OR3A3: variants seen among roughly 807,000 people sequenced by gnomAD.
OR3A3 encodes the protein olfactory receptor family 3 subfamily A member 3.
For synonymous variants in OR3A3, 103 were observed against 163.9 expected (o/e 0.63, Z 2.84); for missense variants, 275 against 391.4 (o/e 0.70, Z 2.51).
rs368262416 is a variant in OR3A3, at chr17:3,420,578, A to G, written c.-6-2A>G. The G allele has an allele frequency of 5.8e-4, 896 of 1,532,380 alleles. 14 individuals carry two copies. The South Asian group carries it at 0.011, about 19-fold the overall frequency. The allele number at this position is 1,532,380 out of a possible 1,614,324, so 94.9% of individuals were successfully genotyped here. A position where few individuals can be genotyped will look rare whatever the true frequency, so the allele number is the denominator to read the frequency against. ...CTCCCCTGCTGGGACATGTCCTTAC[A>G]GAAACTCATGGAGCCAGAAGCTGGG... On this transcript the variant is annotated splice_acceptor_variant, in intron 2 of 2. Transcript: ENST00000641141. LOFTEE classifies it low-confidence loss of function (5UTR_SPLICE).
chr17:3,420,450 A>C, intron 2 of OR3A3, 130 bp from the exon 3 acceptor site: 1 of 1,460,778 alleles, frequency 6.8e-7, no homozygotes, highest in Non-Finnish European at 9.2e-7. Flanking sequence ...AGCAAGGTAA[A>C]GGCATTGAGG....
At chr17:3,412,766 T>C (rs190467893) in intron 2 of OR3A3, among the ~76,000 whole-genome samples, 329 of 152,238 alleles carry the variant, frequency 2.2e-3, no homozygotes, top group Admixed American at 4.0e-3. Context: ...AAGGGCCGTA[T>C]TGTTTTGGGA....
exon 3 of OR3A3, chr17:3,420,790 C>G (rs752260627): frequency 2.3e-6 from 3 of 1,310,726 alleles, no homozygotes; most frequent in Non-Finnish European, 3.2e-6. Flanking sequence ...CCTGGGGAAC[C>G]TGTCAGTGCT....
chr17:3,415,802 ATTATT>A (rs1567583241), intron 2 of OR3A3, among the ~76,000 whole-genome samples: 66 of 102,536 alleles, frequency 6.4e-4, no homozygotes, highest in South Asian at 1.3e-3. Context: ...TTTTTAAATT[ATTATT>A]ATTATTATTA....
At chr17:3,423,049 G>A (rs1429034842) in exon 3 of OR3A3, 1 of 152,104 alleles carries the variant, frequency 6.6e-6, no homozygotes, top group African/African-American at 2.4e-5. Context: ...TTCCCTTAAG[G>A]GCAAAGTTCT....
chr17:3,412,522 C>T (rs1342470619), intron 2 of OR3A3, among the ~76,000 whole-genome samples: 5 of 148,066 alleles, frequency 3.4e-5, no homozygotes, highest in Non-Finnish European at 7.5e-5. Flanking sequence ...GAGCAGGGAG[C>T]TGTCACAGCT....
At chr17:3,419,835 A>G (rs991885055) in intron 2 of OR3A3, among the ~76,000 whole-genome samples, 31 of 145,474 alleles carry the variant, frequency 2.1e-4, no homozygotes, top group South Asian at 4.3e-4. Flanking sequence ...CTGGGTTCAC[A>G]CCATTCTCCC....
chr17:3,423,289 TA>T (rs2072448448), exon 3 of OR3A3: 1 of 152,326 alleles, frequency 6.6e-6, no homozygotes, highest in Non-Finnish European at 1.5e-5. Context: ...TTGAGAGCAT[TA>T]CCACCACCAT....
exon 3 of OR3A3, chr17:3,421,715 T>A: frequency 1.6e-6 from 1 of 627,026 alleles, no homozygotes; most frequent in Non-Finnish European, 2.5e-6. Context: ...AAATATTTAT[T>A]AAATTACTTC....
At chr17:3,419,089 A>G (rs570354013) in intron 2 of OR3A3, among the ~76,000 whole-genome samples, 33 of 152,330 alleles carry the variant, frequency 2.2e-4, no homozygotes, top group Non-Finnish European at 3.8e-4. Context: ...AGAAAAAATA[A>G]TTTTAAATTA....
rs75818177 is a variant in OR3A3 at position 3,420,213 on chromosome 17, A to G, written c.-6-367A>G. On this transcript the variant is annotated intron_variant, in intron 2 of 2. Transcript: ENST00000641141. ...ATGATTAGTATAGTGAAACAAATTAACATATCCATCATCTCACACAGTTAC... is the reference window on the plus strand; with the variant it reads ...ATGATTAGTATAGTGAAACAAATTAGCATATCCATCATCTCACACAGTTAC... Among the ~76,000 whole-genome samples, 58 of 152,338 alleles carry G rather than the reference A, an allele frequency of 3.8e-4. 1 individual carries two copies. The East Asian group carries it at 0.011, about 28-fold the overall frequency.
At chr17:3,417,217 T>C (rs1162562015) in intron 2 of OR3A3, among the ~76,000 whole-genome samples, 1 of 152,196 alleles carries the variant, frequency 6.6e-6, no homozygotes. Flanking sequence ...TTTTTTACTA[T>C]GGAATTCCTT....
chr17:3,420,176 G>A (rs772975397), intron 2 of OR3A3, among the ~76,000 whole-genome samples: 15 of 151,944 alleles, frequency 9.9e-5, no homozygotes, highest in East Asian at 3.8e-4. Context: ...CGAGATACAC[G>A]TAGACAGTAA....
At position 3,416,452 on chromosome 17, in the gene OR3A3, G is replaced by T. The variant is rs1459975930; in HGVS notation, c.-6-4128G>T. Among the ~76,000 whole-genome samples, 5 of 113,926 alleles carry T rather than the reference G, an allele frequency of 4.4e-5. No homozygotes were observed. The East Asian group carries it at 1.0e-3, about 23-fold the overall frequency. The allele number at this position is 113,926 out of a possible 152,430, so 74.7% of individuals were successfully genotyped here. ...CTTTTGAGCTAGTTATGCACACTTCGCAAAAAAAAAATGGAAGCTTTCTTC... is the reference window on the plus strand; with the variant it reads ...CTTTTGAGCTAGTTATGCACACTTCTCAAAAAAAAAATGGAAGCTTTCTTC... On this transcript the variant is annotated intron_variant, in intron 2 of 2. Coordinates refer to ENST00000641141, the Ensembl canonical transcript of OR3A3.
exon 3 of OR3A3, chr17:3,422,425 C>G (rs928283505): frequency 6.6e-6 from 1 of 152,200 alleles, no homozygotes; most frequent in Admixed American, 6.5e-5. Context: ...TATGTTCCAA[C>G]TAGGTCCTCA....
At chr17:3,413,569 C>T (rs1298170161) in intron 2 of OR3A3, among the ~76,000 whole-genome samples, 3 of 152,100 alleles carry the variant, frequency 2.0e-5, no homozygotes, top group Non-Finnish European at 4.4e-5. Context: ...AATCCCAGCA[C>T]TTTGGGAGGC....
At chr17:3,421,020 G>C in exon 3 of OR3A3, 1 of 1,614,034 alleles carries the variant, frequency 6.2e-7, no homozygotes, top group East Asian at 2.2e-5. Flanking sequence ...CAGTCCAGAG[G>C]ATGTTGGTGG....
At chr17:3,421,705 A>G (rs1239308276) in exon 3 of OR3A3, 2 of 644,250 alleles carry the variant, frequency 3.1e-6, no homozygotes, top group Admixed American at 3.6e-5. Context: ...TTCATTCAAC[A>G]AATATTTATT....
At chr17:3,420,891 C>A in exon 3 of OR3A3, 6 of 1,592,786 alleles carry the variant, frequency 3.8e-6, no homozygotes, top group East Asian at 2.2e-5. Context: ...CCTGCCTCTC[C>A]CAGCTCTTCT....
Sources: allele counts gnomAD v4.1 joint callset (sites outside exome capture counted in the v4.1 genomes callset), GRCh38; gene constraint gnomAD v4.1.1; transcripts MANE v1.5; gene names NCBI Gene and HGNC (gene_info 2026-07-23, HGNC 2026-07-21).